Variants in NLGN1 observed in about 807,000 individuals in gnomAD.
The protein encoded by NLGN1 is neuroligin-1.
NLGN1 carries 12 observed loss-of-function variants against 65.5 expected under a neutral mutation model. The ratio of observed to expected loss-of-function variants is 0.18; its 90% CI spans 0.12 to 0.30. NLGN1 has a LOEUF of 0.30. Ranked by LOEUF, NLGN1 falls within the 10% of genes least tolerant of loss-of-function variation. The pLI, the probability that NLGN1 is intolerant of heterozygous loss-of-function variation, is 1.00. For missense variants in NLGN1, 750 were observed against 1,007.1 expected (o/e 0.74, Z 3.46); for synonymous variants, 350 against 359.5 (o/e 0.97, Z 0.30).
chr3:173,616,076 G>A (rs906098180), intron 3 of NLGN1, among the ~76,000 whole-genome samples: 39 of 149,614 alleles, frequency 2.6e-4, no homozygotes, highest in Non-Finnish European at 2.1e-4. Context: ...GGGCATTGAG[G>A]GAACACACAG....
chr3:174,081,597 G>GTT (rs58453866), intron 4 of NLGN1, among the ~76,000 whole-genome samples: 16 of 122,048 alleles, frequency 1.3e-4, no homozygotes, highest in East Asian at 4.9e-4. Flanking sequence ...TGATTAGGTT[G>GTT]TTTTTTTTTT....
chr3:173,415,521 T>C (rs1195385983), intron 1 of NLGN1, among the ~76,000 whole-genome samples: 1 of 152,108 alleles, frequency 6.6e-6, no homozygotes, highest in African/African-American at 2.4e-5. Flanking sequence ...ATAGGTAAGT[T>C]TTGACTTTGC....
intron 3 of NLGN1, among the ~76,000 whole-genome samples, chr3:173,680,079 A>G (rs1033646006): frequency 1.3e-5 from 2 of 152,158 alleles, no homozygotes; most frequent in Non-Finnish European, 2.9e-5. Flanking sequence ...GGAAAAGTGA[A>G]TATGTTAAGG....
At chr3:173,401,774 G>T (rs966925074) in intron 1 of NLGN1, among the ~76,000 whole-genome samples, 1 of 152,086 alleles carries the variant, frequency 6.6e-6, no homozygotes, top group African/African-American at 2.4e-5. Flanking sequence ...CATAAAATTC[G>T]TCTAAATACT....
At chr3:173,420,941 G>A (rs1714923325) in intron 1 of NLGN1, among the ~76,000 whole-genome samples, 1 of 151,994 alleles carries the variant, frequency 6.6e-6, no homozygotes, top group Admixed American at 6.6e-5. Flanking sequence ...TTAATTTATT[G>A]TATATTTCTA....
chr3:173,863,959 G>T (rs1729634156), intron 4 of NLGN1, among the ~76,000 whole-genome samples: 1 of 152,202 alleles, frequency 6.6e-6, no homozygotes, highest in Non-Finnish European at 1.5e-5. Flanking sequence ...CAAGTACAAC[G>T]TAACAGAGCT....
At chr3:173,500,585 T>G (rs1041159741) in intron 2 of NLGN1, among the ~76,000 whole-genome samples, 5 of 152,158 alleles carry the variant, frequency 3.3e-5, no homozygotes, top group Non-Finnish European at 7.4e-5. Flanking sequence ...TTAGGGAAGA[T>G]TCCCTCTTTT....
chr3:173,725,687 T>TCAGA (rs1771647163), intron 3 of NLGN1, among the ~76,000 whole-genome samples: 2 of 152,152 alleles, frequency 1.3e-5, no homozygotes, highest in African/African-American at 4.8e-5. Flanking sequence ...TTTCTGTGAG[T>TCAGA]CAGAGCTCTG....
intron 3 of NLGN1, chr3:173,789,899 G>A: frequency 1.9e-6 from 1 of 513,074 alleles, no homozygotes; most frequent in Non-Finnish European, 3.9e-6. Flanking sequence ...TGATTTCTCA[G>A]CATCTCTATT....
chr3:173,921,678 A>T (rs935420665), intron 4 of NLGN1, among the ~76,000 whole-genome samples: 1 of 152,132 alleles, frequency 6.6e-6, no homozygotes, highest in African/African-American at 2.4e-5. Context: ...CGTACAGCTA[A>T]TGAGTGTTAA....
intron 3 of NLGN1, among the ~76,000 whole-genome samples, chr3:173,729,561 G>T (rs1242173302): frequency 6.6e-6 from 1 of 152,024 alleles, no homozygotes; most frequent in Non-Finnish European, 1.5e-5. Flanking sequence ...ATGCAAAATT[G>T]TAAGCTTTTC....
chr3:173,890,598 A>G (rs959270320), intron 4 of NLGN1, among the ~76,000 whole-genome samples: 4 of 152,220 alleles, frequency 2.6e-5, no homozygotes, highest in Admixed American at 2.6e-4. Context: ...GATAGCATTG[A>G]AAGAAAATTG....
At chr3:173,724,210 T>C (rs1336870603) in intron 3 of NLGN1, among the ~76,000 whole-genome samples, 2 of 152,220 alleles carry the variant, frequency 1.3e-5, no homozygotes, top group Non-Finnish European at 1.5e-5. Context: ...CTTCCCTGTA[T>C]AGATGCTGTT....
At chr3:173,593,073 T>C (rs1319444373) in intron 2 of NLGN1, among the ~76,000 whole-genome samples, 1 of 152,146 alleles carries the variant, frequency 6.6e-6, no homozygotes, top group Non-Finnish European at 1.5e-5. Context: ...GATTAATTCT[T>C]CAGGAAGATC....
chr3:173,577,233 G>C (rs1468840021), intron 2 of NLGN1, among the ~76,000 whole-genome samples: 2 of 152,150 alleles, frequency 1.3e-5, no homozygotes, highest in Non-Finnish European at 2.9e-5. Context: ...TGAATTGTGA[G>C]TTGGTTTAAT....
intron 2 of NLGN1, among the ~76,000 whole-genome samples, chr3:173,501,770 A>G (rs1337935924): frequency 6.6e-6 from 1 of 151,878 alleles, no homozygotes; most frequent in East Asian, 1.9e-4. Flanking sequence ...AAAACATCTC[A>G]TAGTGTAAAG....
chr3:173,983,773 C>T (rs1719286007), intron 4 of NLGN1, among the ~76,000 whole-genome samples: 1 of 152,116 alleles, frequency 6.6e-6, no homozygotes, highest in Non-Finnish European at 1.5e-5. Context: ...CATAAACTCC[C>T]CAAGCTAAAG....
At chr3:173,871,621 G>T (rs2150870887) in intron 4 of NLGN1, among the ~76,000 whole-genome samples, 1 of 152,270 alleles carries the variant, frequency 6.6e-6, no homozygotes, top group Non-Finnish European at 1.5e-5. Flanking sequence ...AGCTCTACTG[G>T]TGGCTAAATT....
chr3:174,147,791 G>A (rs1265715339), intron 4 of NLGN1, among the ~76,000 whole-genome samples: 1 of 151,946 alleles, frequency 6.6e-6, no homozygotes, highest in Non-Finnish European at 1.5e-5. Context: ...AGGAAGAAAG[G>A]GTGTGGGAAT....
Sources: gnomAD v4.1 joint callset for allele counts (sites outside exome capture counted in the v4.1 genomes callset) on GRCh38, gnomAD v4.1.1 for gene constraint, MANE v1.5 for transcripts, NCBI Gene and HGNC (gene_info 2026-07-23, HGNC 2026-07-21) for gene names.